The following CLDN2 variants were observed in gnomAD, a reference collection of about 807,000 sequenced individuals.
CLDN2 encodes claudin 2.
A neutral mutation model predicts 8.2 loss-of-function variants in CLDN2; 1 was observed. That is an observed-to-expected ratio of 0.12 (90% CI 0.04 to 0.58). CLDN2 has a LOEUF of 0.58. Ranked by LOEUF, CLDN2 falls within the 20% of genes least tolerant of loss-of-function variation. The pLI is 0.90. For synonymous variants in CLDN2, 70 were observed against 70.2 expected, an observed-to-expected ratio of 1.00 and a Z score of 0.01; for missense variants, 108 against 172.9, an observed-to-expected ratio of 0.62 and a Z score of 2.11.
In CLDN2 at chrX:106,929,668, T is replaced by G. The variant is rs764086272; in HGVS notation, c.*747T>G. The G allele has an allele frequency of 8.2e-6, 1 of 122,634 alleles. No individual in the cohort carries two copies. The highest frequency in any genetic ancestry group is 3.3e-5 in the African/African-American group (1 of 30,676). 10.1% of individuals were successfully genotyped at this position (122,634 alleles called of 1,213,427 possible). ...TGTGGGCTGGGATCAAGCCTGCAGCTTGAGGAAAGCACAAGGAAAGGAAAG... is the reference window on the plus strand; with the variant it reads ...TGTGGGCTGGGATCAAGCCTGCAGCGTGAGGAAAGCACAAGGAAAGGAAAG... On this transcript the variant is annotated 3_prime_UTR_variant, in exon 2 of 2. Coordinates refer to ENST00000336803, the MANE Select transcript of CLDN2 (RefSeq NM_020384.4).
upstream of CLDN2, among the ~76,000 whole-genome samples, chrX:106,914,151 ATGT>A (rs1354464823): frequency 1.8e-5 from 2 of 108,494 alleles, no homozygotes; most frequent in African/African-American, 6.7e-5. Flanking sequence ...GGGTTTTGCC[ATGT>A]TGCCCAGGGT....
chrX:106,910,700 G>T (rs1348883353), intron 1 of CLDN2, among the ~76,000 whole-genome samples: 3 of 104,631 alleles, frequency 2.9e-5, no homozygotes, highest in Admixed American at 1.0e-4. Flanking sequence ...CAGATAGAGT[G>T]AAACTCCATC....
Position 106,928,887 on chromosome X carries a change from AG to A in CLDN2, c.660del (p.Glu220AspfsTer7). The A allele has an allele frequency of 8.3e-7, 1 of 1,211,249 alleles. No homozygotes were observed. The highest frequency in any genetic ancestry group is 1.1e-6 in the Non-Finnish European group (1 of 895,246). ...GGTCAACCTCCCAAAGTCAAGAGTG[AG>A]TTCAATTCCTACAGCCTGACAGGGT... Reference protein sequence around the residue: ...RPGQPPKVKSEFNSYSLTGYV With the variant: ...RPGQPPKVKSXFNSYSLTGYV On this transcript the variant is annotated frameshift_variant, in exon 2 of 2. Transcript: ENST00000336803. LOFTEE classifies it high-confidence loss of function.
At chrX:106,901,350 C>T in intron 1 of CLDN2, 1 of 691,242 alleles carries the variant, frequency 1.4e-6, no homozygotes, top group African/African-American at 2.1e-5. Context: ...CTCCAGTTTT[C>T]TCTCCTATGA....
At chrX:106,901,182 C>T (rs141657340) in intron 1 of CLDN2, among the ~76,000 whole-genome samples, 2,671 of 112,139 alleles carry the variant, frequency 0.024, 79 homozygotes, top group African/African-American at 0.083. Context: ...TGCTACCTAC[C>T]CCAGAAAGCT....
intron 1 of CLDN2, among the ~76,000 whole-genome samples, chrX:106,909,699 G>T (rs752412623): frequency 1.8e-5 from 2 of 112,240 alleles, no homozygotes; most frequent in East Asian, 2.8e-4. Context: ...GGTGCCTGGG[G>T]CCTCTGCCCT....
At chrX:106,900,686 G>A in intron 1 of CLDN2, 1 of 1,144,964 alleles carries the variant, frequency 8.7e-7, no homozygotes, top group Non-Finnish European at 1.2e-6. Context: ...GATGAGCTGT[G>A]GCGCTGTAGG....
intron 1 of CLDN2, among the ~76,000 whole-genome samples, chrX:106,921,707 A>G (rs187061769): frequency 8.9e-6 from 1 of 112,272 alleles, no homozygotes; most frequent in Admixed American, 9.4e-5. Flanking sequence ...GCTGCGGTCA[A>G]TCTTGACCCT....
At chrX:106,918,543 C>T (rs1258929031), upstream of CLDN2, 3 of 112,002 alleles carry the variant, frequency 2.7e-5, no homozygotes, top group Admixed American at 9.4e-5. Flanking sequence ...GCAACAAATC[C>T]GACTGTTTGC....
intron 1 of CLDN2, among the ~76,000 whole-genome samples, chrX:106,910,513 T>G (rs1933235919): frequency 9.1e-6 from 1 of 109,412 alleles, no homozygotes; most frequent in East Asian, 2.9e-4. Context: ...TTCAAGACCC[T>G]CCCGGTCAAC....
upstream of CLDN2, among the ~76,000 whole-genome samples, chrX:106,917,864 T>G (rs1253202500): frequency 9.0e-6 from 1 of 111,436 alleles, no homozygotes; most frequent in Admixed American, 9.6e-5. Flanking sequence ...CGCACCCATC[T>G]AAGCTCTTTG....
chrX:106,908,032 C>T (rs1933202786), intron 1 of CLDN2, among the ~76,000 whole-genome samples: 2 of 111,569 alleles, frequency 1.8e-5, no homozygotes, highest in South Asian at 7.6e-4. Context: ...ACCTTGGAAA[C>T]CAGCATTATA....
chrX:106,915,459 T>C (rs1933300275), upstream of CLDN2, among the ~76,000 whole-genome samples: 1 of 112,461 alleles, frequency 8.9e-6, no homozygotes, highest in East Asian at 2.8e-4. Flanking sequence ...ATTAAGGGCA[T>C]TGAAAAATAC....
At chrX:106,901,528 C>T (rs889207288) in intron 1 of CLDN2, 21 of 1,211,183 alleles carry the variant, frequency 1.7e-5, no homozygotes, top group Middle Eastern at 2.3e-4. Flanking sequence ...AGCCGTTGCC[C>T]CACCAGCAGC....
chrX:106,901,496 A>T, intron 1 of CLDN2: 1 of 1,211,562 alleles, frequency 8.3e-7, no homozygotes, highest in Non-Finnish European at 1.1e-6. Context: ...TGGAACTTGG[A>T]TTCAGCCTTG....
rs1372295656 is a variant in CLDN2, at chrX:106,912,356, AG to A, written c.-179+11853del. On this transcript the variant is annotated intron_variant, in intron 1 of 1. Transcript: ENST00000541806. ...CTGAAGTGCAATTGTCATGAGGAAAAGCACTTGCACAATTGACTTGCAAGCT... is the reference window on the plus strand; with the variant it reads ...CTGAAGTGCAATTGTCATGAGGAAAACACTTGCACAATTGACTTGCAAGCT... Among the ~76,000 whole-genome samples, 33 of 110,392 alleles carry A rather than the reference AG, an allele frequency of 3.0e-4. No homozygotes were observed. The Admixed American group carries it at 3.1e-3, about 10-fold the overall frequency.
intron 1 of CLDN2, among the ~76,000 whole-genome samples, chrX:106,926,164 G>A (rs952578530): frequency 2.1e-4 from 23 of 111,979 alleles, no homozygotes; most frequent in African/African-American, 6.8e-4. Flanking sequence ...ATCACTTTCC[G>A]GATTTTGGTC....
chrX:106,903,794 G>T (rs1326262136), intron 1 of CLDN2, among the ~76,000 whole-genome samples: 2 of 112,219 alleles, frequency 1.8e-5, no homozygotes, highest in African/African-American at 6.5e-5. Context: ...AGATAGATTT[G>T]CCAGGTGGAC....
At chrX:106,921,523 AC>A (rs779678682) in intron 1 of CLDN2, among the ~76,000 whole-genome samples, 1 of 111,079 alleles carries the variant, frequency 9.0e-6, no homozygotes, top group Non-Finnish European at 1.9e-5. Flanking sequence ...GGCCATCATC[AC>A]CCCCAGAAGG....
Sources: allele counts gnomAD v4.1 joint callset (sites outside exome capture counted in the v4.1 genomes callset), GRCh38; gene constraint gnomAD v4.1.1; transcripts MANE v1.5; gene names NCBI Gene and HGNC (gene_info 2026-07-23, HGNC 2026-07-21).